The following DUOX2 variants were observed in gnomAD, a reference collection of about 807,000 sequenced individuals.
The protein encoded by DUOX2 is NADH/NADPH thyroid oxidase p138-tox.
In DUOX2, 185 loss-of-function variants were observed where a neutral mutation model predicts 183.3. That is an observed-to-expected ratio of 1.01 (90% CI 0.90 to 1.14). The LOEUF (loss-of-function observed/expected upper bound fraction) is 1.14. Ranked by LOEUF, DUOX2 falls within the 50% of genes most tolerant of loss-of-function variation. DUOX2 has a pLI of 0.00. For synonymous variants in DUOX2, 788 were observed against 812.4 expected, an observed-to-expected ratio of 0.97 and a Z score of 0.51; for missense variants, 1,999 against 2,022.9, an observed-to-expected ratio of 0.99 and a Z score of 0.23.
At position 45,099,369 on chromosome 15, in the gene DUOX2, T is replaced by TA; in HGVS notation, c.3515+13_3515+14insT. 2 of 1,612,370 alleles carry TA rather than the reference T, an allele frequency of 1.2e-6. No individual in the cohort carries two copies. Among genetic ancestry groups the TA allele is most frequent in the Non-Finnish European group, 1.7e-6 (2 of 1,178,554 alleles). The stretch of plus-strand genomic sequence containing the variant: ...ACCCTATGAGTCCCAGGAGAAACCA[T>TA]CCCCAGAACTGACCCATCATTCACA... On this transcript the variant is annotated intron_variant, in intron 26 of 33. Transcript: ENST00000389039.
intron 26 of DUOX2, among the ~76,000 whole-genome samples, chr15:45,098,333 A>G (rs1338506904): frequency 6.6e-6 from 1 of 152,152 alleles, no homozygotes; most frequent in Non-Finnish European, 1.5e-5. Context: ...TGTAAGCTCC[A>G]TGAGGGCAGG....
At chr15:45,095,258 G>A (rs1893870336) in intron 31 of DUOX2, among the ~76,000 whole-genome samples, 167 bp from the exon 32 acceptor site, 2 of 152,190 alleles carry the variant, frequency 1.3e-5, no homozygotes, top group Non-Finnish European at 2.9e-5. Context: ...TCCCAGCAGA[G>A]GCCCTTCTGG....
At chr15:45,106,710 T>C in intron 15 of DUOX2, 69 bp from the exon 16 acceptor site, 1 of 1,610,442 alleles carries the variant, frequency 6.2e-7, no homozygotes, top group Non-Finnish European at 8.5e-7. Context: ...GCTTAGGCTA[T>C]GGCCCCTCCC....
intron 4 of DUOX2, 24 bp from the exon 5 acceptor site, chr15:45,111,979 G>A (rs773945080): frequency 1.1e-5 from 17 of 1,611,362 alleles, no homozygotes; most frequent in Non-Finnish European, 1.4e-5. Context: ...GCGCCAATAC[G>A]TGACAAACCG....
In DUOX2 at chr15:45,096,077, G is replaced by C. The variant is rs1893894289; in HGVS notation, c.3848-17C>G. The C allele has an allele frequency of 6.2e-7, 1 of 1,608,176 alleles. No homozygotes were observed. The highest frequency in any genetic ancestry group is 1.3e-5 in the African/African-American group (1 of 74,756). Reference sequence around the variant, plus strand: ...AGGTCACTCCTGGAGGTCATAGACAGGGAAAAGCACAGATGAGAAGGCCTG... The same window carrying C: ...AGGTCACTCCTGGAGGTCATAGACACGGAAAAGCACAGATGAGAAGGCCTG... On this transcript the variant is annotated splice_polypyrimidine_tract_variant and intron_variant, in intron 29 of 33. Transcript: ENST00000389039.
rs750739587 is a variant in DUOX2, at chr15:45,105,840, G to A, written c.2149-12C>T. The A allele has an allele frequency of 6.2e-7, 1 of 1,613,886 alleles. No individual in the cohort carries two copies. Among genetic ancestry groups the A allele is most frequent in the Admixed American group, 1.7e-5 (1 of 60,034 alleles). On this transcript the variant is annotated splice_polypyrimidine_tract_variant and intron_variant, in intron 17 of 33. Transcript: ENST00000389039. ...CTAAACAGCAGCACCTGGGTGGGAGGAAGGCGGCACTGACGCAGGGAGCTC... is the reference window on the plus strand; with the variant it reads ...CTAAACAGCAGCACCTGGGTGGGAGAAAGGCGGCACTGACGCAGGGAGCTC...
rs1341629239 is a variant in DUOX2, at chr15:45,106,585, G to T, written c.1888C>A (p.Leu630Ile). 1 of 1,613,986 alleles carries T rather than the reference G, an allele frequency of 6.2e-7. No homozygotes were observed. The highest frequency in any genetic ancestry group is 8.5e-7 in the Non-Finnish European group (1 of 1,180,028). The change falls in exon 16 of 34, where the codon CTA becomes ATA. Residue 630 changes from leucine (L) to isoleucine (I), a missense_variant. This residue lies in a region of DUOX2 where 1,628 missense variants were observed against 1,608.6 expected (regional missense o/e 1.01). Transcript: ENST00000389039. ...ACGCTCTCTTTGAGTTTCTTTTGTA[G>T]CTTCTTGTGTTCTCGGCCCCGGAAA... ...AYFRGREHKK[L>I]QKKLKESVKK...
At position 45,099,402 on chromosome 15, in the gene DUOX2, TG is replaced by T; in HGVS notation, c.3495del (p.Asn1166ThrfsTer4). 6.2e-7 allele frequency: 1 copy of T among 1,614,004 alleles called. No homozygotes were observed. The highest frequency in any genetic ancestry group is 8.5e-7 in the Non-Finnish European group (1 of 1,179,950). On this transcript the variant is annotated frameshift_variant, in exon 26 of 34. Transcript: ENST00000389039. LOFTEE classifies it high-confidence loss of function. ...ACTGACCCATCATTCACAAAGACGTTGGGGAATATGCAGGCCAGCAGGCTGA... is the reference window on the plus strand; with the variant it reads ...ACTGACCCATCATTCACAAAGACGTTGGGAATATGCAGGCCAGCAGGCTGA... ...SPLSLLACIF[P>X]NVFVNDGSKL...
chr15:45,110,650 C>A lies in DUOX2; in HGVS notation c.943G>T (p.Gly315Ter), dbSNP rs1466329686. 2 of 1,613,014 alleles carry A rather than the reference C, an allele frequency of 1.2e-6. No individual in the cohort carries two copies. The highest frequency in any genetic ancestry group is 4.5e-5 in the East Asian group (2 of 44,878). ...GTGTCCTCCTTCCCCGCTCCCTCAC[C>A]TGTATACTCCGGGAGTGTTTTCTGC... Reference protein sequence around the residue: ...FLQKTLPEYTGYRPFLDPSIS... With the variant: ...FLQKTLPEYT The change falls in exon 8 of 34, where the codon GGA becomes TGA. Residue 315 changes from glycine to a stop codon, truncating the protein, a stop_gained and splice_region_variant. Coordinates refer to ENST00000389039, the MANE Select transcript of DUOX2 (RefSeq NM_001363711.2). LOFTEE classifies it high-confidence loss of function.
At chr15:45,095,777 A>G (rs1301903917) in intron 30 of DUOX2, 51 bp downstream of exon 30, 1 of 1,560,080 alleles carries the variant, frequency 6.4e-7, no homozygotes, top group South Asian at 1.1e-5. Flanking sequence ...AAGGGCAGAG[A>G]TCCTCTGCCA....
At position 45,106,182 on chromosome 15, in the gene DUOX2, C is replaced by A; in HGVS notation, c.2091G>T (p.Leu697=). Residue 697 remains leucine, a synonymous_variant, in exon 17 of 34, where the codon CTG becomes CTT. Transcript: ENST00000389039. ...LQPLQQVNLI[L]SNNRGCRTLL... Reference sequence around the variant, plus strand: ...GGGTGCGGCATCCTCGGTTGTTGGACAGGATGAGGTTGACCTGCTGCAGAG... The same window carrying A: ...GGGTGCGGCATCCTCGGTTGTTGGAAAGGATGAGGTTGACCTGCTGCAGAG... 1 of 1,614,186 alleles carries A rather than the reference C, an allele frequency of 6.2e-7. No individual in the cohort carries two copies. The highest frequency in any genetic ancestry group is 8.5e-7 in the Non-Finnish European group (1 of 1,180,034).
In DUOX2 at chr15:45,094,610, G is replaced by A; in HGVS notation, c.4477C>T (p.Pro1493Ser). 1 of 1,614,116 alleles carries A rather than the reference G, an allele frequency of 6.2e-7. No individual in the cohort carries two copies. ...GLRSITHFGRPPFEPFFNSLQ... is the reference protein window; with the variant it reads ...GLRSITHFGRSPFEPFFNSLQ... ...GAGTTGAAGAAGGGCTCGAAGGGGG[G>A]ACGGCCAAAGTGGGTGATGGAGCGC... Residue 1493 changes from proline to serine, a missense_variant, in exon 33 of 34, where the codon CCC (proline) becomes TCC (serine). By Grantham distance (74) the Pro-to-Ser change is moderately conservative. This residue lies in a region of DUOX2 where 1,628 missense variants were observed against 1,608.6 expected (regional missense o/e 1.01). Coordinates refer to ENST00000389039, the MANE Select transcript of DUOX2 (RefSeq NM_001363711.2).
In DUOX2 at chr15:45,111,798, G is replaced by A. The variant is rs776969679; in HGVS notation, c.483C>T (p.Thr161=). The change falls in exon 5 of 34, where the codon ACC becomes ACT. Residue 161 remains threonine, a synonymous_variant. Transcript: ENST00000389039. The part of the protein sequence containing the change: ...PFQRSRWDPE[T]GRSPSNPRDL... ...CCCGGGGGTTGCTGGGACTCCGTCCGGTCTCGGGGTCCCAGCGGCTCCTCT... is the reference window on the plus strand; with the variant it reads ...CCCGGGGGTTGCTGGGACTCCGTCCAGTCTCGGGGTCCCAGCGGCTCCTCT... 3.7e-6 allele frequency: 6 copies of A among 1,611,354 alleles called. No individual in the cohort carries two copies. Among genetic ancestry groups the A allele is most frequent in the Admixed American group, 1.7e-5 (1 of 59,808 alleles).
rs36025213 is a variant in DUOX2 at position 45,107,850 on chromosome 15, C to CAAAAAA, written c.1574+191_1574+196dup. Among the ~76,000 whole-genome samples, 236 of 48,230 alleles carry CAAAAAA rather than the reference C, an allele frequency of 4.9e-3. 4 individuals are homozygous for CAAAAAA. Among genetic ancestry groups the CAAAAAA allele is most frequent in the African/African-American group, 0.014 (178 of 12,502 alleles). 31.6% of individuals were successfully genotyped at this position (48,230 alleles called of 152,430 possible). ...TGGGTGACAAAGCTAGACTCTGCCT[C>CAAAAAA]AAAAAAAAAAAAAAAAAAAAAAGAA... On this transcript the variant is annotated intron_variant, in intron 13 of 33. Coordinates refer to ENST00000389039, the MANE Select transcript of DUOX2 (RefSeq NM_001363711.2).
At chr15:45,107,178 G>A (rs1275673338) in intron 14 of DUOX2, among the ~76,000 whole-genome samples, 167 bp downstream of exon 14, 1 of 152,300 alleles carries the variant, frequency 6.6e-6, no homozygotes, top group East Asian at 1.9e-4. Flanking sequence ...GGTGTAGCTT[G>A]TGTGCTAGTT....
chr15:45,094,608 G>C lies in DUOX2; in HGVS notation c.4479C>G (p.Pro1493=), dbSNP rs56323146. Residue 1493 remains proline (P), a synonymous_variant, in exon 33 of 34, where the codon CCC becomes CCG. Transcript: ENST00000389039. ...GLRSITHFGR[P]PFEPFFNSLQ... ...GGGAGTTGAAGAAGGGCTCGAAGGG[G>C]GGACGGCCAAAGTGGGTGATGGAGC... is the stretch of plus-strand genomic sequence containing the variant. The C allele has an allele frequency of 0.069, 111,886 of 1,613,836 alleles. 4,205 individuals carry two copies. Among genetic ancestry groups the C allele is most frequent in the African/African-American group, 0.12 (9,299 of 74,988 alleles).
chr15:45,107,836 G>A (rs1282097076), intron 13 of DUOX2, among the ~76,000 whole-genome samples: 1 of 102,718 alleles, frequency 9.7e-6, no homozygotes, highest in East Asian at 3.4e-4. Flanking sequence ...GGGTGACAAA[G>A]CTAGACTCTG....
At chr15:45,101,441 T>C (rs749169636) in intron 21 of DUOX2, 167 bp from the exon 22 acceptor site, 3 of 703,464 alleles carry the variant, frequency 4.3e-6, no homozygotes, top group Non-Finnish European at 7.5e-6. Flanking sequence ...GGGCAGACAA[T>C]GTGGCAACTT....
rs1894493213 is a variant in DUOX2 at position 45,113,071 on chromosome 15, G to C, written c.76C>G (p.Gln26Glu). The change falls in exon 3 of 34, where the codon CAG becomes GAG. Residue 26 changes from glutamine (Q) to glutamate (E), a missense_variant. By Grantham distance (29) the Gln-to-Glu change is conservative. Coordinates refer to ENST00000389039, the MANE Select transcript of DUOX2 (RefSeq NM_001363711.2). ...TCCCAGGGCAGTGAGAGTGCGTCCT[G>C]ACTGCCTGTGGGCACAGAGAAGGGC... ...LTGSLGPSGS[Q>E]DALSLPWEVQ... is the part of the protein sequence containing the mutation. 1.2e-6 allele frequency: 2 copies of C among 1,613,646 alleles called. No homozygotes were observed. The highest frequency in any genetic ancestry group is 1.7e-6 in the Non-Finnish European group (2 of 1,179,898).
Sources: allele counts gnomAD v4.1 joint callset (sites outside exome capture counted in the v4.1 genomes callset), GRCh38; gene constraint gnomAD v4.1.1; regional missense constraint gnomAD v4.1.1; transcripts MANE v1.5; gene names NCBI Gene and HGNC (gene_info 2026-07-23, HGNC 2026-07-21).